SCN10A: variants seen among roughly 807,000 people sequenced by gnomAD.
The protein encoded by SCN10A is sodium voltage-gated channel alpha subunit 10.
SCN10A carries 162 observed loss-of-function variants against 170.7 expected under a neutral mutation model. That is an observed-to-expected ratio of 0.95 (90% CI 0.84 to 1.08). The LOEUF (loss-of-function observed/expected upper bound fraction) is 1.08, where lower values mean the gene tolerates loss of function less well. SCN10A is among the 50% of genes least tolerant of loss of function. SCN10A has a pLI of 0.00. For missense variants in SCN10A, 2,527 were observed against 2,436.9 expected (o/e 1.04, Z -0.78); for synonymous variants, 985 against 904.6 (o/e 1.09, Z -1.59).
At chr3:38,746,061 GTGTA>G (rs1317695403) in intron 13 of SCN10A, among the ~76,000 whole-genome samples, 2 of 29,730 alleles carry the variant, frequency 6.7e-5, no homozygotes, top group Non-Finnish European at 1.7e-4. Flanking sequence ...GTGTGTGTAT[GTGTA>G]TATATATATA....
rs1269321305 is a variant in SCN10A, at chr3:38,697,843, C to T, written c.5377G>A (p.Val1793Ile). 1 of 1,614,138 alleles carries T rather than the reference C, an allele frequency of 6.2e-7. No individual in the cohort carries two copies. Among genetic ancestry groups the T allele is most frequent in the Non-Finnish European group, 8.5e-7 (1 of 1,180,028 alleles). Residue 1793 changes from valine (V) to isoleucine (I), a missense_variant, in exon 28 of 28, where the codon GTC (valine) becomes ATC (isoleucine). Transcript: ENST00000449082. ...NILIQMDLPL[V>I]PGDKIHCLDI... ...AAGCAGTGGATCTTATCTCCAGGGA[C>T]CAAAGGCAGGTCCATCTGGATCAGT...
At chr3:38,797,111 C>T (rs62244114) in intron 1 of SCN10A, among the ~76,000 whole-genome samples, 4,166 of 151,996 alleles carry the variant, frequency 0.027, 83 homozygotes, top group Non-Finnish European at 0.039. Context: ...AAAGCTCACA[C>T]ACCCCAAAGT....
At chr3:38,702,694 G>T (rs2063169060) in intron 26 of SCN10A, among the ~76,000 whole-genome samples, 1 of 152,208 alleles carries the variant, frequency 6.6e-6, no homozygotes, top group Non-Finnish European at 1.5e-5. Flanking sequence ...CAAGTGCAAA[G>T]GGGAAACTTA....
At chr3:38,738,318 T>G (rs1001237952) in intron 15 of SCN10A, among the ~76,000 whole-genome samples, 1 of 152,170 alleles carries the variant, frequency 6.6e-6, no homozygotes, top group Non-Finnish European at 1.5e-5. Flanking sequence ...TGGAGTCATC[T>G]TTGCCTGTCT....
intron 21 of SCN10A, 95 bp from the exon 22 acceptor site, chr3:38,714,175 C>T (rs2063307367): frequency 2.0e-6 from 3 of 1,473,418 alleles, no homozygotes; most frequent in East Asian, 2.3e-5. Context: ...CCTCCCATTC[C>T]TACACGTCTA....
chr3:38,793,682 TG>T, intron 2 of SCN10A, 58 bp downstream of exon 2: 1 of 1,572,764 alleles, frequency 6.4e-7, no homozygotes, highest in South Asian at 1.2e-5. Flanking sequence ...CTGGGCTGGG[TG>T]GGACCGAGAC....
At chr3:38,709,359 T>G in intron 25 of SCN10A, 119 bp downstream of exon 25, 1 of 1,047,902 alleles carries the variant, frequency 9.5e-7, no homozygotes, top group South Asian at 1.8e-5. Context: ...AGCACTGATA[T>G]TAAAGTGATG....
chr3:38,697,249 T>G lies in SCN10A; in HGVS notation c.*100A>C. ...CTGACATTGTGACCAGTGGCATGCA[T>G]TGGTGAGGCTGTAGCTGGGTGTGAT... On this transcript the variant is annotated 3_prime_UTR_variant, in exon 28 of 28. Coordinates refer to ENST00000449082, the MANE Select transcript of SCN10A (RefSeq NM_006514.4). The G allele has an allele frequency of 6.6e-7, 1 of 1,520,430 alleles. No homozygotes were observed. Among genetic ancestry groups the G allele is most frequent in the Non-Finnish European group, 8.8e-7 (1 of 1,132,694 alleles). 94.2% of individuals were successfully genotyped at this position (1,520,430 alleles called of 1,614,324 possible). A position where few individuals can be genotyped will look rare whatever the true frequency, so the allele number is the denominator to read the frequency against.
intron 1 of SCN10A, among the ~76,000 whole-genome samples, chr3:38,814,041 T>A (rs4368436): frequency 6.6e-6 from 1 of 151,896 alleles, no homozygotes; most frequent in Non-Finnish European, 1.5e-5. Flanking sequence ...GGGAGAGAGA[T>A]ACATACAGGC....
chr3:38,710,643 T>C (rs531950539), intron 24 of SCN10A, among the ~76,000 whole-genome samples: 1 of 152,078 alleles, frequency 6.6e-6, no homozygotes, highest in South Asian at 2.1e-4. Flanking sequence ...CTGGGGAGTG[T>C]AGATGAAAGG....
intron 1 of SCN10A, among the ~76,000 whole-genome samples, chr3:38,794,828 C>T (rs2064328301): frequency 6.6e-6 from 1 of 152,164 alleles, no homozygotes; most frequent in African/African-American, 2.4e-5. Context: ...CCTGTCTTCC[C>T]TTGCAGTAAG....
intron 25 of SCN10A, among the ~76,000 whole-genome samples, chr3:38,708,638 A>C (rs970967101): frequency 1.3e-5 from 2 of 152,214 alleles, no homozygotes. Flanking sequence ...AAACTGCACC[A>C]CCAAAGTTGT....
At chr3:38,708,534 C>G (rs2063235670) in intron 25 of SCN10A, among the ~76,000 whole-genome samples, 1 of 152,122 alleles carries the variant, frequency 6.6e-6, no homozygotes, top group Non-Finnish European at 1.5e-5. Context: ...AATGCCTGCC[C>G]TAGTAGGTAT....
At position 38,761,402 on chromosome 3, in the gene SCN10A, G is replaced by T; in HGVS notation, c.692-19C>A. On this transcript the variant is annotated intron_variant, in intron 6 of 27. Transcript: ENST00000449082. ...TTCAGGCCTGCGGGAAGATGACAGT[G>T]GTATGACCACATGGATGAGGTAGCA... The T allele has an allele frequency of 2.5e-6, 4 of 1,605,094 alleles. No individual in the cohort carries two copies. Among genetic ancestry groups the T allele is most frequent in the Non-Finnish European group, 3.4e-6 (4 of 1,174,634 alleles).
rs574892965 is a variant in SCN10A at position 38,734,506 on chromosome 3, G to A, written c.2280+5009C>T. ...TAAAAAATGCATCACGATCAAGCTA[G>A]GTTTGAGCTGGGAATGTAAAGTTGA... is the stretch of plus-strand genomic sequence containing the variant. On this transcript the variant is annotated intron_variant, in intron 15 of 27. Coordinates refer to ENST00000449082, the MANE Select transcript of SCN10A (RefSeq NM_006514.4). Among the ~76,000 whole-genome samples, 10 of 152,250 alleles carry A rather than the reference G, an allele frequency of 6.6e-5. No individual in the cohort carries two copies. The South Asian group carries it at 1.9e-3, about 28-fold the overall frequency.
At chr3:38,755,381 C>T (rs2063792330) in intron 11 of SCN10A, among the ~76,000 whole-genome samples, 1 of 152,070 alleles carries the variant, frequency 6.6e-6, no homozygotes, top group Non-Finnish European at 1.5e-5. Context: ...GGAAGCTGAC[C>T]TTTGATGTCC....
intron 4 of SCN10A, among the ~76,000 whole-genome samples, chr3:38,780,115 C>T (rs2064122352): frequency 6.6e-6 from 1 of 151,848 alleles, no homozygotes; most frequent in East Asian, 1.9e-4. Flanking sequence ...TCTATTCCTA[C>T]AATGTTTTTA....
At chr3:38,728,422 A>G in intron 16 of SCN10A, 120 bp downstream of exon 16, 1 of 1,144,600 alleles carries the variant, frequency 8.7e-7, no homozygotes. Context: ...AAGTTTGAAG[A>G]CTTTTCAACC....
chr3:38,708,265 T>C (rs1427035074), intron 25 of SCN10A, among the ~76,000 whole-genome samples: 1 of 152,136 alleles, frequency 6.6e-6, no homozygotes, highest in Non-Finnish European at 1.5e-5. Flanking sequence ...GAGGTCATGC[T>C]GAGAACTCTG....
Sources: gnomAD v4.1 joint callset for allele counts (sites outside exome capture counted in the v4.1 genomes callset) on GRCh38, gnomAD v4.1.1 for gene constraint, MANE v1.5 for transcripts, NCBI Gene and HGNC (gene_info 2026-07-23, HGNC 2026-07-21) for gene names.